Variants in UGT1A6 observed in about 807,000 individuals in gnomAD.
UGT1A6 encodes the protein UDP-glucuronosyltransferase 1A6.
Under a neutral mutation model 44.4 loss-of-function variants are expected in UGT1A6, and 32 were observed. The observed-to-expected ratio is 0.72, with a 90% CI of 0.54 to 0.97. The LOEUF (loss-of-function observed/expected upper bound fraction) is 0.97, where lower values mean the gene tolerates loss of function less well. UGT1A6 is among the 50% of genes least tolerant of loss of function. UGT1A6 has a pLI of 0.00. For synonymous variants in UGT1A6, 238 were observed against 248.5 expected (o/e 0.96, Z 0.40); for missense variants, 685 against 661.9 (o/e 1.03, Z -0.38).
At chr2:233,756,024 C>T (rs151069909) in intron 1 of UGT1A6, 1 of 152,170 alleles carries the variant, frequency 6.6e-6, no homozygotes, top group African/African-American at 2.4e-5. Flanking sequence ...ATTACACATC[C>T]CCCATGTAGC....
At chr2:233,758,397 C>T (rs1696863474) in intron 1 of UGT1A6, among the ~76,000 whole-genome samples, 1 of 152,138 alleles carries the variant, frequency 6.6e-6, no homozygotes, top group Admixed American at 6.5e-5. Flanking sequence ...TGTTTATAGC[C>T]CCTTTACTGT....
chr2:233,697,047 G>T (rs2075371720), intron 1 of UGT1A6, among the ~76,000 whole-genome samples: 1 of 150,766 alleles, frequency 6.6e-6, no homozygotes, highest in Admixed American at 6.6e-5. Context: ...CTTTTTTTTT[G>T]TTGTGTCCTT....
At chr2:233,740,937 T>A (rs1575638428) in intron 1 of UGT1A6, 2 of 146,280 alleles carry the variant, frequency 1.4e-5, no homozygotes, top group Admixed American at 6.8e-5. Context: ...GTTTTTTTTT[T>A]AATTAGCTAG....
At chr2:233,747,534 A>G in intron 1 of UGT1A6, 1 of 1,605,506 alleles carries the variant, frequency 6.2e-7, no homozygotes. Context: ...ACATTTTCTG[A>G]AGACATTTTC....
chr2:233,769,111 C>T lies in UGT1A6; in HGVS notation c.1301+672C>T, dbSNP rs899905689. Among the ~76,000 whole-genome samples the T allele has an allele frequency of 3.9e-5, 6 of 152,132 alleles. No homozygotes were observed. Among genetic ancestry groups the T allele is most frequent in the African/African-American group, 1.4e-4 (6 of 41,418 alleles). ...CATAGTATCTTTAAGAGAAAAACAACTCAAATGCTTAGAAGTACAGCTTTT... is the reference window on the plus strand; with the variant it reads ...CATAGTATCTTTAAGAGAAAAACAATTCAAATGCTTAGAAGTACAGCTTTT... On this transcript the variant is annotated intron_variant, in intron 4 of 4. Coordinates refer to ENST00000305139, the MANE Select transcript of UGT1A6 (RefSeq NM_001072.4). This position sits in a 1 kb window ranked among gnomAD's most constrained non-coding sequence, Gnocchi z 4.4.
intron 1 of UGT1A6, chr2:233,753,313 T>C (rs1338043588): frequency 2.0e-5 from 3 of 152,278 alleles, no homozygotes; most frequent in Non-Finnish European, 4.4e-5. Context: ...TGTGCCCCTG[T>C]GGGATGGTGC....
chr2:233,760,773 G>A, intron 1 of UGT1A6: 1 of 1,613,944 alleles, frequency 6.2e-7, no homozygotes, highest in Non-Finnish European at 8.5e-7. Flanking sequence ...TCGTGGCCCA[G>A]TACCTGTCTC....
chr2:233,760,544 A>C (rs1287938183), intron 1 of UGT1A6: 1 of 1,614,126 alleles, frequency 6.2e-7, no homozygotes, highest in Non-Finnish European at 8.5e-7. Flanking sequence ...TTCCAAAGGG[A>C]GGATGTGAAA....
At chr2:233,732,918 GA>G (rs2078336060) in intron 1 of UGT1A6, among the ~76,000 whole-genome samples, 1 of 151,996 alleles carries the variant, frequency 6.6e-6, no homozygotes, top group South Asian at 2.1e-4. Flanking sequence ...CCATTTTCAC[GA>G]TATTGATTCT....
intron 1 of UGT1A6, among the ~76,000 whole-genome samples, chr2:233,731,327 G>A (rs538271655): frequency 1.1e-4 from 17 of 148,560 alleles, no homozygotes; most frequent in African/African-American, 4.0e-4. Context: ...GGGTACATGT[G>A]CACAAATTGC....
intron 1 of UGT1A6, among the ~76,000 whole-genome samples, chr2:233,766,371 C>T (rs997095711): frequency 1.3e-5 from 2 of 152,154 alleles, no homozygotes; most frequent in Non-Finnish European, 2.9e-5. Context: ...TTGGTGAGTT[C>T]TTCTCAATGT....
chr2:233,721,249 T>C (rs2076931070), intron 1 of UGT1A6, among the ~76,000 whole-genome samples: 1 of 152,214 alleles, frequency 6.6e-6, no homozygotes, highest in Non-Finnish European at 1.5e-5. Flanking sequence ...GTAAAAAATA[T>C]ATATGTTCTT....
rs985684086 is a variant in UGT1A6 at position 233,766,924 on chromosome 2, A to C, written c.862-110A>C. 8.4e-5 allele frequency: 132 copies of C among 1,565,450 alleles called. 1 individual carries two copies. In the Middle Eastern group the frequency reaches 1.0e-3, roughly 12 times the overall value. ...ATTTTTTACTCTATCTCAAACACGCATGCCTTTAATCATAGTCTTAAGAGG... is the reference window on the plus strand; with the variant it reads ...ATTTTTTACTCTATCTCAAACACGCCTGCCTTTAATCATAGTCTTAAGAGG... On this transcript the variant is annotated intron_variant, in intron 1 of 4. Coordinates refer to ENST00000305139, the MANE Select transcript of UGT1A6 (RefSeq NM_001072.4).
In UGT1A6 at chr2:233,757,143, T is replaced by G. The variant is rs1451644825; in HGVS notation, c.862-9891T>G. ...GAGAGGAGGAATGAGCTTGGACAGG[T>G]GGGCTGGGGTCTATCCCAGAGTTTT... On this transcript the variant is annotated intron_variant, in intron 1 of 4. Coordinates refer to ENST00000305139, the MANE Select transcript of UGT1A6 (RefSeq NM_001072.4). 3.3e-5 allele frequency among the ~76,000 whole-genome samples: 5 copies of G among 150,656 alleles called. No individual in the cohort carries two copies. In the East Asian group the frequency reaches 7.9e-4, roughly 24 times the overall value.
intron 1 of UGT1A6, among the ~76,000 whole-genome samples, chr2:233,714,546 C>A (rs184179436): frequency 6.6e-6 from 1 of 152,158 alleles, no homozygotes; most frequent in East Asian, 1.9e-4. Flanking sequence ...ACCGAAGTGT[C>A]CAATAGAAAT....
At chr2:233,696,543 T>G (rs1300972525) in intron 1 of UGT1A6, among the ~76,000 whole-genome samples, 2 of 152,234 alleles carry the variant, frequency 1.3e-5, no homozygotes, top group African/African-American at 4.8e-5. Context: ...TAAATTTTTC[T>G]GAATATATTA....
chr2:233,729,557 C>G lies in UGT1A6; in HGVS notation c.861+35692C>G, dbSNP rs13406898. 29 of 1,614,152 alleles carry G rather than the reference C, an allele frequency of 1.8e-5. No individual in the cohort carries two copies. The South Asian group carries it at 3.0e-4, about 16-fold the overall frequency. On this transcript the variant is annotated intron_variant, in intron 1 of 4. Transcript: ENST00000305139. ...GCCCTGATCAGGCACCTGAATGCTA[C>G]TTCCTTTGATGTGGTTTTAACAGAC...
In UGT1A6 at chr2:233,719,228, C is replaced by G. The variant is rs756302430; in HGVS notation, c.861+25363C>G. Reference sequence around the variant, plus strand: ...GTGTGGAGCTACTGCATAATGAGGCCCTGATCAGGCACCTGAATGCTACTT... The same window carrying G: ...GTGTGGAGCTACTGCATAATGAGGCGCTGATCAGGCACCTGAATGCTACTT... On this transcript the variant is annotated intron_variant, in intron 1 of 4. Transcript: ENST00000305139. 3 of 1,614,146 alleles carry G rather than the reference C, an allele frequency of 1.9e-6. No individual in the cohort carries two copies. The Admixed American group carries it at 5.0e-5, about 27-fold the overall frequency.
rs376897810 is a variant in UGT1A6 at position 233,693,247 on chromosome 2, G to A, written c.243G>A (p.Pro81=). Residue 81 remains proline, a synonymous_variant, in exon 1 of 5, where the codon CCG becomes CCA. Coordinates refer to ENST00000305139, the MANE Select transcript of UGT1A6 (RefSeq NM_001072.4). ...ACACAAGAAAAATCTATCCAGTGCC[G>A]TATGACCAAGAAGAGCTGAAGAACC... ...KYYTRKIYPV[P]YDQEELKNRY... is the part of the protein sequence containing the mutation. The A allele has an allele frequency of 4.6e-5, 75 of 1,613,962 alleles. No homozygotes were observed. The highest frequency in any genetic ancestry group is 1.6e-4 in the Middle Eastern group (1 of 6,084).
Sources: gnomAD v4.1 joint callset for allele counts (sites outside exome capture counted in the v4.1 genomes callset) on GRCh38, gnomAD v4.1.1 for gene constraint, Gnocchi (gnomAD v3.1) non-coding constraint, MANE v1.5 for transcripts, NCBI Gene and HGNC (gene_info 2026-07-23, HGNC 2026-07-21) for gene names.